The following FAT3 variants were observed in gnomAD, a reference collection of about 807,000 sequenced individuals.
FAT3 encodes protocadherin Fat 3.
Under a neutral mutation model 310.2 loss-of-function variants are expected in FAT3, and 95 were observed. That is an observed-to-expected ratio of 0.31 (90% CI 0.26 to 0.36). The LOEUF (loss-of-function observed/expected upper bound fraction) is 0.36, where lower values mean the gene tolerates loss of function less well. Ranked by LOEUF, FAT3 falls within the 10% of genes least tolerant of loss-of-function variation. The pLI is 1.00. For missense variants in FAT3, 5,408 were observed against 5,715.6 expected (o/e 0.95, Z 1.74); for synonymous variants, 2,314 against 2,192.9 (o/e 1.06, Z -1.54).
chr11:92,421,936 A>G (rs576038409), intron 2 of FAT3, among the ~76,000 whole-genome samples: 1 of 152,292 alleles, frequency 6.6e-6, no homozygotes, highest in East Asian at 1.9e-4. Flanking sequence ...ACAGTGAGAG[A>G]TCCTTTGTCT....
intron 3 of FAT3, among the ~76,000 whole-genome samples, chr11:92,566,732 C>T (rs930027372): frequency 5.3e-5 from 8 of 151,852 alleles, no homozygotes; most frequent in African/African-American, 1.2e-4. Flanking sequence ...GAAATAACAC[C>T]GTATATGTAC....
At chr11:92,576,931 C>T (rs1024219927) in intron 3 of FAT3, among the ~76,000 whole-genome samples, 6 of 151,702 alleles carry the variant, frequency 4.0e-5, no homozygotes, top group African/African-American at 7.3e-5. Flanking sequence ...AGGAGTAAGA[C>T]GTTATATTTA....
chr11:92,840,463 T>C, intron 17 of FAT3, 99 bp from the exon 18 acceptor site: 1 of 1,166,682 alleles, frequency 8.6e-7, no homozygotes. Flanking sequence ...ACTCTCAGCC[T>C]GAAATGATGG....
intron 3 of FAT3, among the ~76,000 whole-genome samples, chr11:92,655,578 T>G (rs1942547349): frequency 6.6e-6 from 1 of 152,188 alleles, no homozygotes. Flanking sequence ...ATTTCTTTTC[T>G]CATCATCCCA....
chr11:92,788,355 C>T (rs961989367), intron 7 of FAT3, among the ~76,000 whole-genome samples: 1 of 151,974 alleles, frequency 6.6e-6, no homozygotes, highest in Non-Finnish European at 1.5e-5. Flanking sequence ...AAAAGAGTAC[C>T]TCATTGGTCA....
intron 3 of FAT3, among the ~76,000 whole-genome samples, chr11:92,556,699 G>A (rs1955032963): frequency 6.6e-6 from 1 of 152,136 alleles, no homozygotes; most frequent in South Asian, 2.1e-4. Flanking sequence ...TTATCATGCT[G>A]TAACTCTGGG....
At chr11:92,649,905 A>G (rs894020035) in intron 3 of FAT3, among the ~76,000 whole-genome samples, 4 of 95,874 alleles carry the variant, frequency 4.2e-5, no homozygotes, top group African/African-American at 1.5e-4. Context: ...ATATATATAT[A>G]TATATATATA....
chr11:92,617,353 C>G (rs894292235), intron 3 of FAT3, among the ~76,000 whole-genome samples: 4 of 152,136 alleles, frequency 2.6e-5, no homozygotes, highest in African/African-American at 4.8e-5. Context: ...CTTCTGTACG[C>G]TGTTTATTCT....
rs555284573 is a variant in FAT3 at position 92,327,775 on chromosome 11, A to G, written c.-17-24321A>G. Among the ~76,000 whole-genome samples, 18 of 152,340 alleles carry G rather than the reference A, an allele frequency of 1.2e-4. No individual in the cohort carries two copies. The South Asian group carries it at 3.7e-3, about 32-fold the overall frequency. ...GACTCTGAGGAAGTCACTTAACCCA[A>G]GAGAGTTCTCACCAATAAAACAAGG... is the stretch of plus-strand genomic sequence containing the variant. On this transcript the variant is annotated intron_variant, in intron 1 of 27. Coordinates refer to ENST00000525166, the MANE Select transcript of FAT3 (RefSeq NM_001367949.2).
intron 3 of FAT3, among the ~76,000 whole-genome samples, chr11:92,652,449 T>G (rs1422020416): frequency 2.0e-5 from 3 of 152,212 alleles, no homozygotes; most frequent in Non-Finnish European, 4.4e-5. Context: ...TTTGAAGAGA[T>G]AAATTTACGG....
At chr11:92,832,738 T>C (rs1948299904) in intron 14 of FAT3, among the ~76,000 whole-genome samples, 1 of 152,184 alleles carries the variant, frequency 6.6e-6, no homozygotes, top group African/African-American at 2.4e-5. Context: ...TGTGCACATG[T>C]TGGAAAATGT....
At chr11:92,442,109 A>ATTTTTTTTTTTTTTT (rs1258493776) in intron 2 of FAT3, among the ~76,000 whole-genome samples, 4 of 50,084 alleles carry the variant, frequency 8.0e-5, no homozygotes, top group African/African-American at 3.0e-4. Context: ...ATATATATAT[A>ATTTTTTTTTTTTTTT]TATTTTTTTT....
intron 1 of FAT3, among the ~76,000 whole-genome samples, chr11:92,262,803 C>T (rs749282533): frequency 6.6e-5 from 10 of 152,072 alleles, no homozygotes; most frequent in Admixed American, 1.3e-4. Flanking sequence ...GCCCATGTGT[C>T]TGAATTTACA....
intron 2 of FAT3, among the ~76,000 whole-genome samples, chr11:92,471,079 C>T (rs569086009): frequency 1.3e-5 from 2 of 152,142 alleles, no homozygotes; most frequent in African/African-American, 4.8e-5. Flanking sequence ...TAGATATGTC[C>T]ATCCCTTTGT....
chr11:92,732,867 G>A (rs568080445), intron 4 of FAT3, among the ~76,000 whole-genome samples: 2 of 152,306 alleles, frequency 1.3e-5, no homozygotes, highest in South Asian at 4.1e-4. Flanking sequence ...TTTGATAAGT[G>A]CTTTGGGAGA....
At chr11:92,795,406 A>G (rs1642923652) in intron 9 of FAT3, among the ~76,000 whole-genome samples, 2 of 152,136 alleles carry the variant, frequency 1.3e-5, no homozygotes, top group Non-Finnish European at 2.9e-5. Flanking sequence ...AATCTACAAG[A>G]GGCCATAGAT....
At chr11:92,831,496 C>A in intron 13 of FAT3, 126 bp from the exon 14 acceptor site, 2 of 746,980 alleles carry the variant, frequency 2.7e-6, no homozygotes, top group Non-Finnish European at 4.1e-6. Flanking sequence ...AGAGCCACAG[C>A]TGTCTGTTTC....
chr11:92,705,463 G>A (rs1944262438), intron 4 of FAT3, among the ~76,000 whole-genome samples: 2 of 94,652 alleles, frequency 2.1e-5, no homozygotes, highest in African/African-American at 7.2e-5. Context: ...GTGGTGTGAT[G>A]GTGGTGGTGG....
At chr11:92,626,604 A>G (rs892053861) in intron 3 of FAT3, among the ~76,000 whole-genome samples, 1 of 152,076 alleles carries the variant, frequency 6.6e-6, no homozygotes, top group African/African-American at 2.4e-5. Context: ...GTTCCAGAAG[A>G]CACTCAAGTG....
Sources: gnomAD v4.1 joint callset for allele counts (sites outside exome capture counted in the v4.1 genomes callset) on GRCh38, gnomAD v4.1.1 for gene constraint, MANE v1.5 for transcripts, NCBI Gene and HGNC (gene_info 2026-07-23, HGNC 2026-07-21) for gene names.